The following SLC25A26 variants were observed in gnomAD, a reference collection of about 807,000 sequenced individuals.
SLC25A26 encodes solute carrier family 25 member 26.
In SLC25A26, 36 loss-of-function variants were observed where a neutral mutation model predicts 37.8. That is an observed-to-expected ratio of 0.95 (90% confidence interval 0.73 to 1.26). SLC25A26 has a LOEUF of 1.26. Among genes scored for constraint, SLC25A26 ranks in the 50% most tolerant of loss-of-function variants. The pLI is 0.00. For synonymous variants in SLC25A26, 129 were observed against 122.5 expected (o/e 1.05, Z -0.35); for missense variants, 390 against 331.1 (o/e 1.18, Z -1.38).
chr3:66,148,436 A>T (rs983277204), intron 1 of SLC25A26, among the ~76,000 whole-genome samples: 19 of 152,124 alleles, frequency 1.2e-4, no homozygotes, highest in African/African-American at 4.6e-4. Context: ...GGCTGACAGG[A>T]CCATGGCGAG....
chr3:66,166,123 T>C (rs2070422174), intron 1 of SLC25A26, among the ~76,000 whole-genome samples: 1 of 152,252 alleles, frequency 6.6e-6, no homozygotes, highest in Non-Finnish European at 1.5e-5. Context: ...TCAAACGCCT[T>C]CAGTTTCTGC....
chr3:66,257,006 A>G (rs1486255926), intron 3 of SLC25A26, among the ~76,000 whole-genome samples: 1 of 152,180 alleles, frequency 6.6e-6, no homozygotes, highest in Non-Finnish European at 1.5e-5. Flanking sequence ...TTTCAACATA[A>G]AATAATACAC....
chr3:66,241,797 C>T (rs1395888510), intron 2 of SLC25A26, among the ~76,000 whole-genome samples: 5 of 151,606 alleles, frequency 3.3e-5, no homozygotes, highest in Non-Finnish European at 7.4e-5. Context: ...ACCTATGCTG[C>T]AGGAGTGAGG....
At chr3:66,173,414 T>G (rs1471968055) in intron 1 of SLC25A26, among the ~76,000 whole-genome samples, 3 of 152,202 alleles carry the variant, frequency 2.0e-5, no homozygotes, top group African/African-American at 4.8e-5. Context: ...GGACAAGACC[T>G]GACCACTACA....
At chr3:66,226,207 G>A (rs2071742811) in intron 1 of SLC25A26, among the ~76,000 whole-genome samples, 1 of 152,174 alleles carries the variant, frequency 6.6e-6, no homozygotes, top group East Asian at 1.9e-4. Flanking sequence ...TGGCAGAGGG[G>A]CCTCACAATC....
At position 66,308,694 on chromosome 3, in the gene SLC25A26, C is replaced by T. The variant is rs1041699304; in HGVS notation, c.454-37670C>T. On this transcript the variant is annotated intron_variant, in intron 5 of 9. Transcript: ENST00000354883. ...TATTCCATAACTATTCCATATATTC[C>T]GTAACTGTTCCTGGTTTATTGGGTG... is the stretch of plus-strand genomic sequence containing the variant. 6.8e-4 allele frequency among the ~76,000 whole-genome samples: 103 copies of T among 152,120 alleles called. 1 individual carries two copies. The highest frequency in any genetic ancestry group is 5.8e-3 in the Admixed American group (89 of 15,258).
At position 66,300,251 on chromosome 3, in the gene SLC25A26, G is replaced by GTTTTTTTTTT. The variant is rs1309490705; in HGVS notation, c.453+36876_453+36877insTTTTTTTTTT. Among the ~76,000 whole-genome samples the GTTTTTTTTTT allele has an allele frequency of 6.6e-4, 74 of 111,610 alleles. 2 individuals carry two copies. The highest frequency in any genetic ancestry group is 1.2e-3 in the African/African-American group (37 of 30,526). The allele number at this position is 111,610 out of a possible 152,430, so 73.2% of individuals were successfully genotyped here. On this transcript the variant is annotated intron_variant, in intron 5 of 9. Coordinates refer to ENST00000354883, the MANE Select transcript of SLC25A26 (RefSeq NM_001379210.1). ...TGGACTTCTAGGCTAGGGTTTTTTT[G>GTTTTTTTTTT]TTTTGTTTTTTTTTTTTTTTTTGGT...
At position 66,378,438 on chromosome 3, in the gene SLC25A26, T is replaced by A. The variant is rs1700811606; in HGVS notation, c.*631T>A. On this transcript the variant is annotated 3_prime_UTR_variant, in exon 10 of 10. Transcript: ENST00000354883. ...TGTGTCCAGCGCCCCCTGTGGTGTGTGAGAGAAAGCAGCTGCAACTCAAGT... is the reference window on the plus strand; with the variant it reads ...TGTGTCCAGCGCCCCCTGTGGTGTGAGAGAGAAAGCAGCTGCAACTCAAGT... The A allele has an allele frequency of 6.6e-6, 1 of 152,650 alleles. No individual in the cohort carries two copies. Among genetic ancestry groups the A allele is most frequent in the African/African-American group, 2.4e-5 (1 of 41,436 alleles). 9.5% of individuals were successfully genotyped at this position (152,650 alleles called of 1,614,324 possible).
chr3:66,300,953 A>G (rs566140090), intron 5 of SLC25A26, among the ~76,000 whole-genome samples: 2 of 152,298 alleles, frequency 1.3e-5, no homozygotes, highest in East Asian at 3.9e-4. Context: ...TTCTAAGCAG[A>G]TTTGGGAATT....
At position 66,248,686 on chromosome 3, in the gene SLC25A26, G is replaced by A. The variant is rs79420914; in HGVS notation, c.300+5374G>A. ...CCTCATACACTTAGATGCTGGTAGA[G>A]TGTCCTTTTCAAGTGTCCTTTATGG... is the stretch of plus-strand genomic sequence containing the variant. On this transcript the variant is annotated intron_variant, in intron 3 of 9. Coordinates refer to ENST00000354883, the MANE Select transcript of SLC25A26 (RefSeq NM_001379210.1). Among the ~76,000 whole-genome samples the A allele has an allele frequency of 3.1e-3, 475 of 152,304 alleles. 3 individuals carry two copies. Among genetic ancestry groups the A allele is most frequent in the East Asian group, 0.017 (87 of 5,184 alleles).
At chr3:66,167,826 G>C (rs2070444736) in intron 1 of SLC25A26, among the ~76,000 whole-genome samples, 1 of 152,068 alleles carries the variant, frequency 6.6e-6, no homozygotes, top group African/African-American at 2.4e-5. Flanking sequence ...TAAACGGAAA[G>C]ATCTCTGTGT....
intron 7 of SLC25A26, among the ~76,000 whole-genome samples, chr3:66,367,413 T>C (rs377270464): frequency 1.2e-4 from 19 of 152,202 alleles, no homozygotes; most frequent in African/African-American, 4.1e-4. Flanking sequence ...ACCTGTAGCA[T>C]GGGGATGTAA....
intron 1 of SLC25A26, among the ~76,000 whole-genome samples, chr3:66,139,889 T>C (rs1036972118): frequency 2.0e-5 from 3 of 152,136 alleles, no homozygotes; most frequent in Admixed American, 6.6e-5. Flanking sequence ...ACTAAATTAG[T>C]TTAAGGATTT....
upstream of SLC25A26, among the ~76,000 whole-genome samples, chr3:66,219,628 G>T (rs2106856232): frequency 6.6e-6 from 1 of 152,298 alleles, no homozygotes; most frequent in South Asian, 2.1e-4. Context: ...GAAGTGTATA[G>T]TCTGTCTGTG....
At chr3:66,307,785 G>A (rs2075268909) in intron 5 of SLC25A26, among the ~76,000 whole-genome samples, 1 of 152,112 alleles carries the variant, frequency 6.6e-6, no homozygotes, top group Non-Finnish European at 1.5e-5. Context: ...GTTTTTGTCA[G>A]GTTTGTCAAA....
rs554578438 is a variant in SLC25A26 at position 66,239,343 on chromosome 3, G to A, written c.190+2643G>A. 1.1e-4 allele frequency among the ~76,000 whole-genome samples: 16 copies of A among 150,220 alleles called. No individual in the cohort carries two copies. The South Asian group carries it at 1.7e-3, about 16-fold the overall frequency. ...CTGTCATGAATACTGTGAAGGATTT[G>A]CCTACTTCTCTTCTTACTGATAAAT... On this transcript the variant is annotated intron_variant, in intron 2 of 9. Transcript: ENST00000354883.
upstream of SLC25A26, chr3:66,220,861 A>G: frequency 1.7e-6 from 1 of 575,908 alleles, no homozygotes; most frequent in South Asian, 2.1e-5. Context: ...AAACCGAGGT[A>G]AGGGATTTGC....
intron 5 of SLC25A26, among the ~76,000 whole-genome samples, chr3:66,274,964 C>T (rs896711952): frequency 2.6e-4 from 40 of 152,006 alleles, no homozygotes; most frequent in East Asian, 5.8e-4. Context: ...ATGTTTATTG[C>T]GGCACTATTC....
chr3:66,283,002 A>G (rs1026906168), intron 5 of SLC25A26, among the ~76,000 whole-genome samples: 1 of 152,194 alleles, frequency 6.6e-6, no homozygotes, highest in Non-Finnish European at 1.5e-5. Flanking sequence ...GATTCATCCC[A>G]GTTATTGCAT....
Sources: gnomAD v4.1 joint callset for allele counts (sites outside exome capture counted in the v4.1 genomes callset) on GRCh38, gnomAD v4.1.1 for gene constraint, MANE v1.5 for transcripts, NCBI Gene and HGNC (gene_info 2026-07-23, HGNC 2026-07-21) for gene names.